Variants in EED observed in about 807,000 individuals in gnomAD.
EED encodes the protein polycomb protein EED.
Under a neutral mutation model 61.0 loss-of-function variants are expected in EED, and 9 were observed. The observed-to-expected ratio is 0.15, with a 90% CI of 0.09 to 0.26. The LOEUF is 0.26. EED is among the 10% of genes least tolerant of loss of function. The pLI, the probability that EED is intolerant of heterozygous loss-of-function variation, is 1.00. For missense variants in EED, 315 were observed against 542.3 expected (o/e 0.58, Z 4.16); for synonymous variants, 187 against 174.4 (o/e 1.07, Z -0.57).
At chr11:86,284,019 G>T in the EED span, 1 of 152,226 alleles carries the variant, frequency 6.6e-6, no homozygotes, top group Non-Finnish European at 1.5e-5. Flanking sequence ...TTTGACTGCA[G>T]TCGTGACCAC....
intron 6 of EED, among the ~76,000 whole-genome samples, chr11:86,259,170 A>G (rs1005890764): frequency 3.6e-4 from 53 of 146,832 alleles, no homozygotes; most frequent in African/African-American, 1.1e-3. Flanking sequence ...GCACAGCCCA[A>G]CATCACAACT....
chr11:86,282,868 G>T (rs1233807475), downstream of EED, among the ~76,000 whole-genome samples: 1 of 152,124 alleles, frequency 6.6e-6, no homozygotes, highest in Non-Finnish European at 1.5e-5. Context: ...AGTGGCTCAT[G>T]CTTGTAATCC....
intron 1 of EED, among the ~76,000 whole-genome samples, chr11:86,246,638 T>C (rs2138119628): frequency 6.6e-6 from 1 of 152,364 alleles, no homozygotes; most frequent in East Asian, 1.9e-4. Context: ...TTCACCCGAT[T>C]GTGCGCCCCA....
the EED span, among the ~76,000 whole-genome samples, chr11:86,285,139 G>A: frequency 6.6e-6 from 1 of 151,946 alleles, no homozygotes; most frequent in African/African-American, 2.4e-5. Flanking sequence ...AACAGAAAAG[G>A]CTGGGCACGG....
chr11:86,267,257 C>T (rs1370116335), intron 8 of EED, among the ~76,000 whole-genome samples: 3 of 151,996 alleles, frequency 2.0e-5, no homozygotes, highest in Non-Finnish European at 2.9e-5. Context: ...TATCAGATCA[C>T]GAATAACATT....
intron 9 of EED, among the ~76,000 whole-genome samples, chr11:86,275,908 T>G (rs1399962416): frequency 1.3e-5 from 2 of 152,204 alleles, no homozygotes; most frequent in East Asian, 1.9e-4. Context: ...AAAAATGTGT[T>G]GTCTCCTCCC....
At position 86,256,368 on chromosome 11, in the gene EED, T is replaced by C; in HGVS notation, c.427-19T>C. The C allele has an allele frequency of 6.4e-7, 1 of 1,552,170 alleles. No homozygotes were observed. The highest frequency in any genetic ancestry group is 8.7e-7 in the Non-Finnish European group (1 of 1,144,644). ...TCTTTTTCAAAAACATTATGTTTCT[T>C]AACTGTGGAATTTCTTAGGCTGATG... On this transcript the variant is annotated intron_variant, in intron 4 of 11. Coordinates refer to ENST00000263360, the MANE Select transcript of EED (RefSeq NM_003797.5).
At chr11:86,284,792 T>C in the EED span, 1 of 152,244 alleles carries the variant, frequency 6.6e-6, no homozygotes, top group Non-Finnish European at 1.5e-5. Context: ...CTATGTAATA[T>C]CCAGGGCCCA....
In EED at chr11:86,278,521, G is replaced by A. The variant is rs1363668348; in HGVS notation, c.1322G>A (p.Arg441Gln). 3.1e-6 allele frequency: 5 copies of A among 1,612,770 alleles called. No homozygotes were observed. Among genetic ancestry groups the A allele is most frequent in the Non-Finnish European group, 4.2e-6 (5 of 1,179,362 alleles). ...DASIWRWDRL[R>Q] ...AGTATTTGGCGCTGGGATCGACTTC[G>A]ATAAAATACTTTTGCCTAATCAAAA... The change falls in exon 12 of 12, where the codon CGA becomes CAA. Residue 441 changes from arginine (R) to glutamine (Q), a missense_variant. Coordinates refer to ENST00000263360, the MANE Select transcript of EED (RefSeq NM_003797.5).
chr11:86,244,802 G>A lies in EED; in HGVS notation c.-428G>A, dbSNP rs566204192. 97 of 238,082 alleles carry A rather than the reference G, an allele frequency of 4.1e-4. No individual in the cohort carries two copies. The Admixed American group carries it at 4.4e-3, about 11-fold the overall frequency. 14.7% of individuals were successfully genotyped at this position (238,082 alleles called of 1,614,324 possible). A position where few individuals can be genotyped will look rare whatever the true frequency, so the allele number is the denominator to read the frequency against. On this transcript the variant is annotated 5_prime_UTR_variant, in exon 1 of 12. Coordinates refer to ENST00000263360, the MANE Select transcript of EED (RefSeq NM_003797.5). ...CAGCGGGTCGGAGATCGAAGGAACGGGCCAATTGCGGCTGAAACGTCTTTG... is the reference window on the plus strand; with the variant it reads ...CAGCGGGTCGGAGATCGAAGGAACGAGCCAATTGCGGCTGAAACGTCTTTG...
At chr11:86,261,998 T>C (rs1363145677) in intron 6 of EED, among the ~76,000 whole-genome samples, 2 of 152,244 alleles carry the variant, frequency 1.3e-5, no homozygotes, top group Non-Finnish European at 2.9e-5. Context: ...TCCTTAGCAA[T>C]TAGTCACTTA....
intron 5 of EED, among the ~76,000 whole-genome samples, chr11:86,257,304 G>A (rs1945703142): frequency 2.0e-5 from 3 of 149,434 alleles, no homozygotes; most frequent in Admixed American, 2.0e-4. Flanking sequence ...CAAAGTGCTT[G>A]GATTAAAAAC....
intron 1 of EED, among the ~76,000 whole-genome samples, chr11:86,248,418 A>C (rs1344789183): frequency 6.6e-6 from 1 of 152,224 alleles, no homozygotes; most frequent in South Asian, 2.1e-4. Flanking sequence ...AAAGAAACTG[A>C]TATATAAAAA....
At chr11:86,245,568 G>C (rs948381332) in intron 1 of EED, among the ~76,000 whole-genome samples, 1 of 151,786 alleles carries the variant, frequency 6.6e-6, no homozygotes, top group Non-Finnish European at 1.5e-5. Flanking sequence ...GATTGCGTGG[G>C]TCTGAGAAGT....
intron 9 of EED, among the ~76,000 whole-genome samples, chr11:86,269,626 C>T (rs1946063217): frequency 6.6e-6 from 1 of 152,048 alleles, no homozygotes; most frequent in Non-Finnish European, 1.5e-5. Context: ...TGATCTTTAT[C>T]CAGAATCCAA....
At chr11:86,265,969 T>A in intron 7 of EED, 114 bp from the exon 8 acceptor site, 1 of 853,610 alleles carries the variant, frequency 1.2e-6, no homozygotes, top group Non-Finnish European at 1.8e-6. Context: ...ACCCAAAATG[T>A]AGTTTGTATT....
the EED span, among the ~76,000 whole-genome samples, chr11:86,286,607 C>T: frequency 6.6e-6 from 1 of 152,084 alleles, no homozygotes; most frequent in African/African-American, 2.4e-5. Context: ...TTAATTGCAT[C>T]TTCAGGCTTG....
rs192646265 is a variant in EED, at chr11:86,255,949, A to G, written c.427-438A>G. On this transcript the variant is annotated intron_variant, in intron 4 of 11. Coordinates refer to ENST00000263360, the MANE Select transcript of EED (RefSeq NM_003797.5). ...ATATTGAAATGTGACCTGTTGTTGT[A>G]TTGAGACTGTCTCACAAAGAAAAAA... 2.6e-5 allele frequency among the ~76,000 whole-genome samples: 4 copies of G among 152,238 alleles called. No individual in the cohort carries two copies. In the East Asian group the frequency reaches 5.8e-4, roughly 22 times the overall value.
intron 9 of EED, among the ~76,000 whole-genome samples, chr11:86,270,390 G>T (rs1946087160): frequency 7.1e-6 from 1 of 140,316 alleles, no homozygotes. Flanking sequence ...AGTTTTGAGA[G>T]TTTGAATATA....
Sources: allele counts gnomAD v4.1 joint callset (sites outside exome capture counted in the v4.1 genomes callset), GRCh38; gene constraint gnomAD v4.1.1; transcripts MANE v1.5; gene names NCBI Gene and HGNC (gene_info 2026-07-23, HGNC 2026-07-21).